The following LPIN1 variants were observed in gnomAD, a reference collection of about 807,000 sequenced individuals.
LPIN1 encodes lipin 1, also known as phosphatidate phosphatase LPIN1.
LPIN1 carries 71 observed loss-of-function variants against 107.5 expected under a neutral mutation model. That is an observed-to-expected ratio of 0.66 (90% CI 0.55 to 0.80). The LOEUF is 0.80. LPIN1 is among the 30% of genes least tolerant of loss of function. LPIN1 has a pLI of 0.00. For missense variants in LPIN1, 1,043 were observed against 1,160.6 expected (o/e 0.90, Z 1.47); for synonymous variants, 445 against 452.6 (o/e 0.98, Z 0.21).
chr2:11,699,452 G>A lies in LPIN1; in HGVS notation c.82-14304G>A, dbSNP rs117689008. On this transcript the variant is annotated intron_variant, in intron 1 of 21. Transcript: ENST00000449576. The stretch of plus-strand genomic sequence containing the variant: ...TATGGAGTCCCTGGGGGGGGCGTGC[G>A]GAAGAAAGAGCAGAACAGGGAGGAA... Among the ~76,000 whole-genome samples, 329 of 152,148 alleles carry A rather than the reference G, an allele frequency of 2.2e-3. 9 individuals are homozygous for A. In the East Asian group the frequency reaches 0.059, roughly 27 times the overall value.
chr2:11,810,126 G>A (rs1263235561), intron 17 of LPIN1, among the ~76,000 whole-genome samples: 1 of 152,182 alleles, frequency 6.6e-6, no homozygotes, highest in Non-Finnish European at 1.5e-5. Context: ...GGTGCCGTCG[G>A]GGGTGCTGAG....
At chr2:11,766,897 A>T (rs1670996643) in intron 2 of LPIN1, among the ~76,000 whole-genome samples, 1 of 152,170 alleles carries the variant, frequency 6.6e-6, no homozygotes, top group African/African-American at 2.4e-5. Context: ...GTGGTTACTG[A>T]GGTGGGGTAT....
At position 11,802,923 on chromosome 2, in the gene LPIN1, TCC is replaced by T; in HGVS notation, c.1904_1905del (p.Ser635PhefsTer3). 6.2e-7 allele frequency: 1 copy of T among 1,613,400 alleles called. No homozygotes were observed. Among genetic ancestry groups the T allele is most frequent in the Non-Finnish European group, 8.5e-7 (1 of 1,180,028 alleles). On this transcript the variant is annotated frameshift_variant, in exon 15 of 21. Coordinates refer to ENST00000674199, the MANE Select transcript of LPIN1 (RefSeq NM_001349206.2). LOFTEE classifies it high-confidence loss of function. ...GTGTTCCAGGGTAAAGCATGAATCATCCTCCAGTGATGAGGAGCGCGCAGCTG... is the reference window on the plus strand; with the variant it reads ...GTGTTCCAGGGTAAAGCATGAATCATTCCAGTGATGAGGAGCGCGCAGCTG... ...SLATRVKHES[S>X]SSDEERAAAK...
chr2:11,792,407 C>T (rs1044869306), intron 13 of LPIN1: 7 of 245,450 alleles, frequency 2.9e-5, no homozygotes, highest in Admixed American at 1.5e-4. Flanking sequence ...TTTTTGGAGA[C>T]GGGCTTGCTC....
At chr2:11,783,731 A>G in intron 8 of LPIN1, 98 bp from the exon 9 acceptor site, 1 of 1,014,554 alleles carries the variant, frequency 9.9e-7, no homozygotes, top group South Asian at 1.3e-5. Context: ...CTGGGAGCAA[A>G]TCTGCACATA....
At chr2:11,766,790 CAAACAA>C (rs1670977529) in intron 2 of LPIN1, among the ~76,000 whole-genome samples, 1 of 151,958 alleles carries the variant, frequency 6.6e-6, no homozygotes, top group Non-Finnish European at 1.5e-5. Flanking sequence ...AACAAACAAA[CAAACAA>C]AAACGCAGAG....
chr2:11,690,061 G>A (rs1447614233), intron 1 of LPIN1, among the ~76,000 whole-genome samples: 2 of 152,136 alleles, frequency 1.3e-5, no homozygotes, highest in Non-Finnish European at 2.9e-5. Context: ...CTTGTCCAGA[G>A]TTTTAGTTTT....
intron 1 of LPIN1, among the ~76,000 whole-genome samples, chr2:11,756,400 T>G (rs1668695149): frequency 6.6e-6 from 1 of 152,200 alleles, no homozygotes; most frequent in African/African-American, 2.4e-5. Flanking sequence ...TTATTTTATA[T>G]TTTTTTGAGA....
intron 1 of LPIN1, among the ~76,000 whole-genome samples, chr2:11,755,419 C>T (rs562435248): frequency 4.6e-5 from 7 of 152,134 alleles, no homozygotes; most frequent in African/African-American, 1.4e-4. Context: ...ATGGGCCCTG[C>T]GATGGGGCAG....
rs759929951 is a variant in LPIN1 at position 11,824,982 on chromosome 2, G to A, written c.*191G>A. 7 of 643,770 alleles carry A rather than the reference G, an allele frequency of 1.1e-5. No individual in the cohort carries two copies. The highest frequency in any genetic ancestry group is 1.8e-5 in the African/African-American group (1 of 54,826). 39.9% of individuals were successfully genotyped at this position (643,770 alleles called of 1,614,324 possible). A position where few individuals can be genotyped will look rare whatever the true frequency, so the allele number is the denominator to read the frequency against. On this transcript the variant is annotated 3_prime_UTR_variant, in exon 21 of 21. Coordinates refer to ENST00000674199, the MANE Select transcript of LPIN1 (RefSeq NM_001349206.2). ...GACATTTCTAAGCAAGATAGGAAGGGAGCACTTTCTAGGCTAGGAGTTGGG... is the reference window on the plus strand; with the variant it reads ...GACATTTCTAAGCAAGATAGGAAGGAAGCACTTTCTAGGCTAGGAGTTGGG...
At chr2:11,745,079 C>T (rs997438783), upstream of LPIN1, 9 of 152,272 alleles carry the variant, frequency 5.9e-5, no homozygotes, top group East Asian at 1.9e-4. Flanking sequence ...ACTAAGCTGC[C>T]GCATTCGATG....
At chr2:11,785,969 C>T (rs1201952252) in intron 10 of LPIN1, among the ~76,000 whole-genome samples, 1 of 152,212 alleles carries the variant, frequency 6.6e-6, no homozygotes, top group Non-Finnish European at 1.5e-5. Flanking sequence ...CATTAATACC[C>T]AGCCTCACTG....
chr2:11,724,082 CA>C (rs1157186677), upstream of LPIN1: 4 of 152,250 alleles, frequency 2.6e-5, no homozygotes, highest in African/African-American at 9.7e-5. Flanking sequence ...ATTCAGAAAT[CA>C]GTGGAGAAAT....
chr2:11,759,149 CTT>C (rs577716406), intron 1 of LPIN1, among the ~76,000 whole-genome samples: 10 of 143,348 alleles, frequency 7.0e-5, no homozygotes, highest in African/African-American at 2.4e-4. Context: ...TTCTTTCTTT[CTT>C]TCTTTCTTTC....
rs567523916 is a variant in LPIN1, at chr2:11,747,736, C to A, written c.-10+1065C>A. Among the ~76,000 whole-genome samples the A allele has an allele frequency of 2.0e-5, 3 of 152,332 alleles. No homozygotes were observed. In the South Asian group the frequency reaches 6.2e-4, roughly 32 times the overall value. On this transcript the variant is annotated intron_variant, in intron 1 of 20. Transcript: ENST00000674199. The stretch of plus-strand genomic sequence containing the variant: ...AAATAAGCACATCCACACATGAACA[C>A]TTTTCTTGCTCCCAGATTCTTGTTG...
At chr2:11,696,489 T>G (rs1443389639) in intron 1 of LPIN1, among the ~76,000 whole-genome samples, 1 of 151,978 alleles carries the variant, frequency 6.6e-6, no homozygotes, top group East Asian at 1.9e-4. Context: ...AAAAAGACAT[T>G]GGATTTTGAC....
At chr2:11,730,379 A>G (rs997664445) in intron 1 of LPIN1, among the ~76,000 whole-genome samples, 3 of 152,166 alleles carry the variant, frequency 2.0e-5, no homozygotes, top group African/African-American at 7.2e-5. Context: ...ATCTGACCCC[A>G]TCTACTGCAC....
chr2:11,742,865 C>T (rs932919773), upstream of LPIN1, among the ~76,000 whole-genome samples: 13 of 152,260 alleles, frequency 8.5e-5, no homozygotes, highest in Admixed American at 1.3e-4. Context: ...CGGCCAGCCA[C>T]GGCCTTCTTT....
intron 14 of LPIN1, among the ~76,000 whole-genome samples, chr2:11,800,939 T>A (rs1453166530): frequency 1.3e-5 from 2 of 152,190 alleles, no homozygotes; most frequent in Non-Finnish European, 2.9e-5. Flanking sequence ...ATTTAACGGG[T>A]TGTCTCTTCG....
Sources: allele counts gnomAD v4.1 joint callset (sites outside exome capture counted in the v4.1 genomes callset), GRCh38; gene constraint gnomAD v4.1.1; transcripts MANE v1.5; gene names NCBI Gene and HGNC (gene_info 2026-07-23, HGNC 2026-07-21).